The following RCBTB1 variants were observed in gnomAD, a reference collection of about 807,000 sequenced individuals.
RCBTB1 encodes the protein RCC1 and BTB domain containing protein 1.
A neutral mutation model predicts 62.4 loss-of-function variants in RCBTB1; 46 were observed. That is an observed-to-expected ratio of 0.74 (90% CI 0.58 to 0.94). The LOEUF is 0.94. Among genes scored for constraint, RCBTB1 ranks in the 40% least tolerant of loss-of-function variants. The pLI is 0.00. For missense variants in RCBTB1, 565 were observed against 654.9 expected, an observed-to-expected ratio of 0.86 and a Z score of 1.50; for synonymous variants, 222 against 245.8, an observed-to-expected ratio of 0.90 and a Z score of 0.91.
At chr13:49,555,442 T>C in intron 6 of RCBTB1, 73 bp downstream of exon 6, 1 of 1,260,446 alleles carries the variant, frequency 7.9e-7, no homozygotes, top group Non-Finnish European at 1.2e-6. Context: ...ATCTGATACA[T>C]TCACCTTGTG....
At chr13:49,564,526 A>T (rs1369462031) in intron 4 of RCBTB1, among the ~76,000 whole-genome samples, 1 of 126,188 alleles carries the variant, frequency 7.9e-6, no homozygotes, top group African/African-American at 3.0e-5. Context: ...ATGGAGGTTG[A>T]GTGGGCCGAG....
intron 5 of RCBTB1, among the ~76,000 whole-genome samples, chr13:49,559,536 G>A (rs1439518807): frequency 2.6e-5 from 4 of 151,584 alleles, no homozygotes; most frequent in African/African-American, 9.7e-5. Flanking sequence ...GGTGCCTGTA[G>A]TCCCAGCTAC....
chr13:49,534,119 G>A lies in RCBTB1; in HGVS notation c.*3C>T, dbSNP rs189874227. On this transcript the variant is annotated 3_prime_UTR_variant, in exon 13 of 13. Coordinates refer to ENST00000378302, the MANE Select transcript of RCBTB1 (RefSeq NM_018191.4). ...CTCACACAGAACCCAGCAGCCTTGC[G>A]CTTCAGTTCTTAAAGGCTCCACATT... 6.0e-4 allele frequency: 965 copies of A among 1,613,180 alleles called. 7 individuals are homozygous for A. The highest frequency in any genetic ancestry group is 2.5e-4 in the Non-Finnish European group (290 of 1,179,636).
intron 2 of RCBTB1, among the ~76,000 whole-genome samples, chr13:49,576,983 C>A (rs768499869): frequency 6.6e-6 from 1 of 152,154 alleles, no homozygotes; most frequent in Non-Finnish European, 1.5e-5. Context: ...TTTTCTCTGG[C>A]ACTTGAAAAT....
chr13:49,553,414 G>A (rs1363524442), intron 6 of RCBTB1, among the ~76,000 whole-genome samples: 1 of 152,124 alleles, frequency 6.6e-6, no homozygotes, highest in East Asian at 1.9e-4. Context: ...TCTAAACTAA[G>A]GAGTGATAGG....
chr13:49,544,390 A>G (rs1384888436), intron 10 of RCBTB1, among the ~76,000 whole-genome samples: 1 of 151,996 alleles, frequency 6.6e-6, no homozygotes, highest in Non-Finnish European at 1.5e-5. Context: ...AATCACTTAA[A>G]CCCGGGAGGC....
chr13:49,575,989 A>G (rs1388044538), intron 2 of RCBTB1, among the ~76,000 whole-genome samples: 2 of 152,078 alleles, frequency 1.3e-5, no homozygotes, highest in Non-Finnish European at 2.9e-5. Flanking sequence ...GATCGAGACC[A>G]TCCTGGCTAA....
Position 49,585,540 on chromosome 13 carries a change from G to A in RCBTB1, c.-218C>T, listed in dbSNP as rs964433421. ...GTGCGAGCGAGCGGCGGTGCCCACC[G>A]GCAGCGAAGAGGAGGAGCGCCAGGG... On this transcript the variant is annotated 5_prime_UTR_variant, in exon 1 of 13. Transcript: ENST00000378302. The A allele has an allele frequency of 2.6e-5, 4 of 152,124 alleles. No individual in the cohort carries two copies. The highest frequency in any genetic ancestry group is 2.0e-4 in the Admixed American group (3 of 15,242). 9.4% of individuals were successfully genotyped at this position (152,124 alleles called of 1,614,324 possible).
intron 11 of RCBTB1, among the ~76,000 whole-genome samples, chr13:49,541,391 C>T (rs1443130629): frequency 1.3e-5 from 2 of 151,440 alleles, no homozygotes; most frequent in Non-Finnish European, 2.9e-5. Context: ...ACCTATGTAA[C>T]AAGCCTACAC....
chr13:49,555,121 T>C (rs912917324), intron 6 of RCBTB1, among the ~76,000 whole-genome samples: 28 of 152,312 alleles, frequency 1.8e-4, no homozygotes, highest in Admixed American at 3.3e-4. Context: ...ACATTCAAGA[T>C]ATAGGTAGGT....
chr13:49,532,977 A>G lies in RCBTB1; in HGVS notation c.*1145T>C, dbSNP rs1959671627. On this transcript the variant is annotated 3_prime_UTR_variant, in exon 13 of 13. Coordinates refer to ENST00000378302, the MANE Select transcript of RCBTB1 (RefSeq NM_018191.4). ...CAGTTCAAATAAACTACTGTCTTTT[A>G]ATAGGATCTTTTCAGGAACACCATA... 6.6e-6 allele frequency: 1 copy of G among 152,208 alleles called. No homozygotes were observed. The highest frequency in any genetic ancestry group is 1.5e-5 in the Non-Finnish European group (1 of 68,030). The allele number at this position is 152,208 out of a possible 1,614,324, so 9.4% of individuals were successfully genotyped here.
At chr13:49,549,382 C>T (rs1353002518) in intron 9 of RCBTB1, 76 bp downstream of exon 9, 7 of 1,422,278 alleles carry the variant, frequency 4.9e-6, no homozygotes, top group Middle Eastern at 2.6e-4. Context: ...GATCCCAAAA[C>T]CAGCAAAGAC....
intron 2 of RCBTB1, among the ~76,000 whole-genome samples, 167 bp from the exon 3 acceptor site, chr13:49,567,487 T>C (rs938094136): frequency 1.3e-5 from 2 of 152,182 alleles, no homozygotes. Context: ...CAATCCCTCC[T>C]CCACCTTCAA....
chr13:49,582,016 C>T (rs564135404), intron 1 of RCBTB1, among the ~76,000 whole-genome samples: 7 of 152,374 alleles, frequency 4.6e-5, no homozygotes, highest in South Asian at 2.1e-4. Flanking sequence ...GCATAGTAAT[C>T]ACAGAATGTG....
At chr13:49,571,165 G>A (rs1333551901) in intron 2 of RCBTB1, among the ~76,000 whole-genome samples, 1 of 152,116 alleles carries the variant, frequency 6.6e-6, no homozygotes, top group African/African-American at 2.4e-5. Flanking sequence ...TGACCAACAT[G>A]GAGAAACCCT....
chr13:49,538,416 C>T (rs2897741), intron 12 of RCBTB1, among the ~76,000 whole-genome samples: 121,504 of 152,146 alleles, frequency 0.8, 48,807 homozygotes, highest in East Asian at 0.9. Flanking sequence ...CTAAGAAATA[C>T]ACCCTAGAAA....
chr13:49,560,975 C>T (rs963192267), intron 4 of RCBTB1, among the ~76,000 whole-genome samples: 11 of 152,108 alleles, frequency 7.2e-5, no homozygotes, highest in Non-Finnish European at 1.5e-4. Flanking sequence ...GTCACCAACC[C>T]GGAAGCTCCT....
chr13:49,536,965 A>G (rs1959986728), intron 12 of RCBTB1, among the ~76,000 whole-genome samples: 1 of 152,220 alleles, frequency 6.6e-6, no homozygotes, highest in Non-Finnish European at 1.5e-5. Flanking sequence ...CCTTTCCACA[A>G]ATTTTCTTTA....
intron 12 of RCBTB1, among the ~76,000 whole-genome samples, chr13:49,537,049 G>GA (rs1566210183): frequency 7.9e-5 from 12 of 152,098 alleles, no homozygotes; most frequent in African/African-American, 2.9e-4. Flanking sequence ...CGCCTCTAAG[G>GA]GAGTTCTTAC....
Sources: gnomAD v4.1 joint callset for allele counts (sites outside exome capture counted in the v4.1 genomes callset) on GRCh38, gnomAD v4.1.1 for gene constraint, MANE v1.5 for transcripts, NCBI Gene and HGNC (gene_info 2026-07-23, HGNC 2026-07-21) for gene names.